Variants in ABCG5 observed in about 807,000 individuals in gnomAD.
ABCG5 encodes the protein ATP binding cassette subfamily G member 5.
A neutral mutation model predicts 64.5 loss-of-function variants in ABCG5; 64 were observed. The ratio of observed to expected loss-of-function variants is 0.99; its 90% CI spans 0.81 to 1.22. The LOEUF (loss-of-function observed/expected upper bound fraction) is 1.22. Among genes scored for constraint, ABCG5 ranks in the 50% most tolerant of loss-of-function variants. The probability of loss-of-function intolerance (pLI) is 0.00; values close to 1 mark genes in which losing one functional copy is unlikely to be tolerated. For synonymous variants in ABCG5, 385 were observed against 326.3 expected, an observed-to-expected ratio of 1.18 and a Z score of -1.94; for missense variants, 908 against 829.5, an observed-to-expected ratio of 1.09 and a Z score of -1.16.
intron 7 of ABCG5, 66 bp downstream of exon 7, chr2:43,824,823 G>A: frequency 6.3e-7 from 1 of 1,593,978 alleles, no homozygotes. Context: ...GTGTCATCCA[G>A]GCAGAAGTCT....
intron 4 of ABCG5, among the ~76,000 whole-genome samples, chr2:43,831,524 C>G (rs954987219): frequency 1.3e-5 from 2 of 152,156 alleles, no homozygotes; most frequent in African/African-American, 4.8e-5. Flanking sequence ...GACTAAGAGT[C>G]TGAAATTTGA....
chr2:43,822,041 T>G (rs1292572027), intron 10 of ABCG5, among the ~76,000 whole-genome samples: 1 of 152,166 alleles, frequency 6.6e-6, no homozygotes, highest in Non-Finnish European at 1.5e-5. Context: ...CAATCTGATG[T>G]TTTTTGATGG....
Position 43,838,576 on chromosome 2 carries a change from G to C in ABCG5, c.104C>G (p.Pro35Arg). 6.2e-7 allele frequency: 1 copy of C among 1,609,124 alleles called. No individual in the cohort carries two copies. The highest frequency in any genetic ancestry group is 8.5e-7 in the Non-Finnish European group (1 of 1,178,372). ...GGCATGGAGGATGCCCAGGCTGTGA[G>C]GCTCCGGGGCGGTGGCAGGAGCCCC... Reference protein sequence around the residue: ...LEGAPATAPEPHSLGILHASY... With the variant: ...LEGAPATAPERHSLGILHASY... Residue 35 changes from proline (P) to arginine (R), a missense_variant, in exon 1 of 13, where the codon CCT (proline) becomes CGT (arginine). By Grantham distance (103) the Pro-to-Arg change is moderately radical (BLOSUM62 -2). Transcript: ENST00000405322. The surrounding 1 kb of genome is among the most constrained non-coding windows in gnomAD (Gnocchi z 4.2).
chr2:43,819,633 C>T lies in ABCG5; in HGVS notation c.1649+282G>A, dbSNP rs180826342. Among the ~76,000 whole-genome samples, 7 of 152,126 alleles carry T rather than the reference C, an allele frequency of 4.6e-5. 1 individual carries two copies. Among genetic ancestry groups the T allele is most frequent in the Non-Finnish European group, 8.8e-5 (6 of 68,012 alleles). On this transcript the variant is annotated intron_variant, in intron 11 of 12. Coordinates refer to ENST00000405322, the MANE Select transcript of ABCG5 (RefSeq NM_022436.3). ...GGCTGTGAGTTTTTCCTGGAACATC[C>T]GGGCTGGTTTTCTTCTCTTGGTATA...
At chr2:43,835,443 C>T (rs576977736) in intron 2 of ABCG5, among the ~76,000 whole-genome samples, 7 of 152,152 alleles carry the variant, frequency 4.6e-5, no homozygotes, top group Admixed American at 2.6e-4. Context: ...TAAAGAAGCA[C>T]ACTGTATTTA....
Position 43,831,946 on chromosome 2 carries a change from C to A in ABCG5, c.402+1G>T. 6.5e-7 allele frequency: 1 copy of A among 1,549,394 alleles called. No homozygotes were observed. Among genetic ancestry groups the A allele is most frequent in the East Asian group, 2.4e-5 (1 of 40,948 alleles). ...GCCAGGGGTGTGGGGGACGCGCCCA[C>A]CTGCAGGACGTAGGAGAAGCAGTCC... On this transcript the variant is annotated splice_donor_variant, in intron 3 of 12. Transcript: ENST00000405322. LOFTEE classifies it high-confidence loss of function.
intron 2 of ABCG5, among the ~76,000 whole-genome samples, chr2:43,837,098 C>G (rs1194697752): frequency 1.3e-5 from 2 of 148,710 alleles, no homozygotes; most frequent in Admixed American, 1.3e-4. Context: ...AATACATGAA[C>G]TTTTAAATAT....
chr2:43,823,088 A>G (rs1667345280), intron 9 of ABCG5, among the ~76,000 whole-genome samples, 153 bp from the exon 10 acceptor site: 1 of 142,330 alleles, frequency 7.0e-6, no homozygotes, highest in South Asian at 2.2e-4. Flanking sequence ...CCTGCCATCC[A>G]CAGGACAATA....
intron 11 of ABCG5, among the ~76,000 whole-genome samples, chr2:43,815,910 G>GAAAAAAAAAAAAAA (rs4148200): frequency 9.6e-6 from 1 of 104,062 alleles, no homozygotes; most frequent in African/African-American, 3.2e-5. Flanking sequence ...AACAGGAAAA[G>GAAAAAAAAAAAAAA]AAAAAAAAAA....
intron 12 of ABCG5, among the ~76,000 whole-genome samples, chr2:43,814,110 T>C (rs1246984322): frequency 1.3e-5 from 2 of 152,136 alleles, no homozygotes; most frequent in Admixed American, 1.3e-4. Flanking sequence ...GTAGCTTTAT[T>C]TAGCTATGTA....
Position 43,824,054 on chromosome 2 carries a change from T to C in ABCG5, c.1183A>G (p.Ile395Val), listed in dbSNP as rs897344189. ...AVITRLLQNL[I>V]MGLFLLFFVL... ...AAGAAAAGGAGGAACAAACCCATGA[T>C]CAGATTCTGAAGGAGACGCGTAATC... The change falls in exon 9 of 13, where the codon ATC becomes GTC. Residue 395 changes from isoleucine to valine, a missense_variant. By Grantham distance (29) the Ile-to-Val change is conservative. Coordinates refer to ENST00000405322, the MANE Select transcript of ABCG5 (RefSeq NM_022436.3). The C allele has an allele frequency of 5.0e-6, 8 of 1,614,102 alleles. No homozygotes were observed. Among genetic ancestry groups the C allele is most frequent in the African/African-American group, 2.7e-5 (2 of 74,938 alleles).
Position 43,838,559 on chromosome 2 carries a change from G to C in ABCG5, c.121C>G (p.Leu41Val), listed in dbSNP as rs1030894919. The stretch of plus-strand genomic sequence containing the variant: ...TACCTGACGCTGTAGGAGGCATGGA[G>C]GATGCCCAGGCTGTGAGGCTCCGGG... ...TAPEPHSLGI[L>V]HASYSVSHRV... Residue 41 changes from leucine (L) to valine (V), a missense_variant, in exon 1 of 13, where the codon CTC (leucine) becomes GTC (valine). Transcript: ENST00000405322. The surrounding 1 kb of genome is among the most constrained non-coding windows in gnomAD (Gnocchi z 4.2). The C allele has an allele frequency of 3.1e-6, 5 of 1,607,340 alleles. No homozygotes were observed. Among genetic ancestry groups the C allele is most frequent in the Admixed American group, 1.7e-5 (1 of 59,210 alleles).
chr2:43,825,288 A>G (rs919216608), intron 6 of ABCG5, among the ~76,000 whole-genome samples: 1 of 152,134 alleles, frequency 6.6e-6, no homozygotes, highest in East Asian at 1.9e-4. Flanking sequence ...GCCCAGCTTC[A>G]TATCTGGGAT....
Position 43,833,472 on chromosome 2 carries a change from T to TC in ABCG5, c.266-1390dup, listed in dbSNP as rs1486879058. ...GTCTCGGCTCACTGCAACCTCCACC[T>TC]CCCAGGTTCATGCCATTATCCTGCC... On this transcript the variant is annotated intron_variant, in intron 2 of 12. Transcript: ENST00000405322. Among the ~76,000 whole-genome samples, 5 of 151,688 alleles carry TC rather than the reference T, an allele frequency of 3.3e-5. No individual in the cohort carries two copies. In the South Asian group the frequency reaches 1.0e-3, roughly 32 times the overall value.
chr2:43,834,645 G>A (rs1209004905), intron 2 of ABCG5, among the ~76,000 whole-genome samples: 1 of 152,260 alleles, frequency 6.6e-6, no homozygotes, highest in Non-Finnish European at 1.5e-5. Context: ...GCTCATGCCT[G>A]TAATCCCAGC....
rs1214033245 is a variant in ABCG5 at position 43,813,709 on chromosome 2, G to GTTTTTTTTTTTTTTTTT, written c.1763-417_1763-401dup. ...TGTTTTTTTTGGGGTTTTTTTTTTCGTTTTTTTTTTTTTTTTTTTTTTTTT... is the reference window on the plus strand; with the variant it reads ...TGTTTTTTTTGGGGTTTTTTTTTTCGTTTTTTTTTTTTTTTTTTTTTTTTTTTTTTTTTTTTTTTTTT... On this transcript the variant is annotated intron_variant, in intron 12 of 12. Coordinates refer to ENST00000405322, the MANE Select transcript of ABCG5 (RefSeq NM_022436.3). 1.2e-3 allele frequency among the ~76,000 whole-genome samples: 40 copies of GTTTTTTTTTTTTTTTTT among 34,060 alleles called. 3 individuals carry two copies. The highest frequency in any genetic ancestry group is 2.2e-3 in the African/African-American group (17 of 7,826). The allele number at this position is 34,060 out of a possible 152,430, so 22.3% of individuals were successfully genotyped here. A position where few individuals can be genotyped will look rare whatever the true frequency, so the allele number is the denominator to read the frequency against.
In ABCG5 at chr2:43,813,277, T is replaced by A. The variant is rs772378718; in HGVS notation, c.1795A>T (p.Met599Leu). 6.2e-7 allele frequency: 1 copy of A among 1,613,796 alleles called. No individual in the cohort carries two copies. The highest frequency in any genetic ancestry group is 1.1e-5 in the South Asian group (1 of 90,986). The stretch of plus-strand genomic sequence containing the variant: ...TGAATTCCTTGAGTGAAGGCACACA[T>A]TGGATTAGTTGTCACAGAAACATTT... ...SSNVSVTTNP[M>L]CAFTQGIQFI... The change falls in exon 13 of 13, where the codon ATG (methionine) becomes TTG (leucine). Residue 599 changes from methionine to leucine, a missense_variant. Met to Leu is a conservative substitution (Grantham distance 15). Transcript: ENST00000405322.
At chr2:43,809,652 C>A, downstream of ABCG5, 1 of 1,346,232 alleles carries the variant, frequency 7.4e-7, no homozygotes, top group Non-Finnish European at 1.1e-6. Flanking sequence ...TAAGGTGCCT[C>A]CTTGAATTAG....
chr2:43,830,756 G>A (rs1258593493), intron 4 of ABCG5, among the ~76,000 whole-genome samples: 1 of 152,248 alleles, frequency 6.6e-6, no homozygotes, highest in Admixed American at 6.5e-5. Flanking sequence ...CTGGGTGCTT[G>A]TGGGCCTTCC....
Sources: allele counts gnomAD v4.1 joint callset (sites outside exome capture counted in the v4.1 genomes callset), GRCh38; gene constraint gnomAD v4.1.1; non-coding constraint Gnocchi (gnomAD v3.1); transcripts MANE v1.5; gene names NCBI Gene and HGNC (gene_info 2026-07-23, HGNC 2026-07-21).